The following DIAPH2 variants were observed in gnomAD, a reference collection of about 807,000 sequenced individuals.
DIAPH2 encodes the protein protein diaphanous homolog 2.
Under a neutral mutation model 92.7 loss-of-function variants are expected in DIAPH2, and 35 were observed. That is an observed-to-expected ratio of 0.38 (90% CI 0.29 to 0.50). The LOEUF (loss-of-function observed/expected upper bound fraction) is 0.50. Among genes scored for constraint, DIAPH2 ranks in the 20% least tolerant of loss-of-function variants. The pLI, the probability that DIAPH2 is intolerant of heterozygous loss-of-function variation, is 0.94. For missense variants in DIAPH2, 701 were observed against 819.5 expected (o/e 0.86, Z 1.77); for synonymous variants, 301 against 280.4 (o/e 1.07, Z -0.73).
intron 26 of DIAPH2, among the ~76,000 whole-genome samples, chrX:97,585,590 A>G (rs1218707089): frequency 9.1e-6 from 1 of 110,403 alleles, no homozygotes. Context: ...AGTAAAAAAA[A>G]AAAAAAACTA....
At chrX:97,204,823 T>C (rs1055817830) in intron 22 of DIAPH2, among the ~76,000 whole-genome samples, 1 of 111,574 alleles carries the variant, frequency 9.0e-6, no homozygotes, top group Non-Finnish European at 1.9e-5. Flanking sequence ...AAAAAACTAC[T>C]TTAAATTTCA....
chrX:97,309,797 T>C (rs1436590636), intron 23 of DIAPH2, among the ~76,000 whole-genome samples: 1 of 112,243 alleles, frequency 8.9e-6, no homozygotes, highest in Non-Finnish European at 1.9e-5. Flanking sequence ...TTATCTCTTC[T>C]TTGTGAAGGA....
intron 17 of DIAPH2, among the ~76,000 whole-genome samples, chrX:97,025,051 T>C (rs1284212201): frequency 8.9e-6 from 1 of 112,336 alleles, no homozygotes; most frequent in East Asian, 2.8e-4. Flanking sequence ...AGCTCCAGAC[T>C]TAAGAGTTAC....
At chrX:96,885,162 T>C (rs2065251528) in intron 5 of DIAPH2, 2 of 1,007,580 alleles carry the variant, frequency 2.0e-6, no homozygotes, top group Non-Finnish European at 2.7e-6. Flanking sequence ...TTTTGACCTG[T>C]TGACTTTTTA....
At chrX:96,886,485 C>T (rs1442867698) in intron 5 of DIAPH2, among the ~76,000 whole-genome samples, 1 of 110,850 alleles carries the variant, frequency 9.0e-6, no homozygotes, top group Non-Finnish European at 1.9e-5. Flanking sequence ...TTAGAAAAAC[C>T]ACTAATTCTT....
At chrX:97,176,986 A>G (rs1189742241) in intron 22 of DIAPH2, among the ~76,000 whole-genome samples, 1 of 112,033 alleles carries the variant, frequency 8.9e-6, no homozygotes, top group African/African-American at 3.2e-5. Context: ...TGTCAATACT[A>G]TGTAAAGAGT....
At chrX:97,173,907 CAA>C (rs1229587025) in intron 22 of DIAPH2, among the ~76,000 whole-genome samples, 3 of 79,399 alleles carry the variant, frequency 3.8e-5, no homozygotes, top group African/African-American at 9.4e-5. Context: ...GACCCTATCT[CAA>C]AAAAAAAAAA....
At chrX:97,290,521 T>G (rs921310163) in intron 23 of DIAPH2, among the ~76,000 whole-genome samples, 1 of 111,953 alleles carries the variant, frequency 8.9e-6, no homozygotes, top group African/African-American at 3.2e-5. Flanking sequence ...GGGGCCCTTG[T>G]TAAAAATCAT....
chrX:97,077,061 A>G (rs925154008), intron 19 of DIAPH2, among the ~76,000 whole-genome samples: 3 of 111,915 alleles, frequency 2.7e-5, no homozygotes, highest in African/African-American at 6.5e-5. Flanking sequence ...AGTATAATGT[A>G]CATAATTGGA....
intron 1 of DIAPH2, among the ~76,000 whole-genome samples, chrX:96,709,074 T>A (rs1012951708): frequency 2.7e-5 from 3 of 111,934 alleles, no homozygotes; most frequent in African/African-American, 9.7e-5. Context: ...ATGAAAAAAA[T>A]TTCATATTTC....
intron 14 of DIAPH2, among the ~76,000 whole-genome samples, chrX:96,948,066 T>C (rs2065749168): frequency 8.9e-6 from 1 of 112,243 alleles, no homozygotes; most frequent in Non-Finnish European, 1.9e-5. Context: ...ATGAGACTGC[T>C]ATTAGGGCAT....
intron 24 of DIAPH2, among the ~76,000 whole-genome samples, chrX:97,370,034 CT>C (rs1382697085): frequency 1.8e-5 from 2 of 111,381 alleles, no homozygotes; most frequent in African/African-American, 6.5e-5. Context: ...TTGATGATCC[CT>C]AAGAGCCATG....
intron 22 of DIAPH2, among the ~76,000 whole-genome samples, chrX:97,223,152 G>T (rs940830762): frequency 9.0e-6 from 1 of 111,484 alleles, no homozygotes; most frequent in Admixed American, 9.6e-5. Context: ...AGTACAAAAG[G>T]ATCTCTTGTC....
At chrX:97,493,756 C>T (rs1162878258) in intron 26 of DIAPH2, among the ~76,000 whole-genome samples, 1 of 108,280 alleles carries the variant, frequency 9.2e-6, no homozygotes, top group African/African-American at 3.4e-5. Flanking sequence ...TGTGGTTGCA[C>T]ATACCTGTAA....
At position 97,150,735 on chromosome X, in the gene DIAPH2, T is replaced by G. The variant is rs755174841; in HGVS notation, c.2719+8941T>G. Among the ~76,000 whole-genome samples, 3 of 112,201 alleles carry G rather than the reference T, an allele frequency of 2.7e-5. No individual in the cohort carries two copies. The East Asian group carries it at 8.4e-4, about 31-fold the overall frequency. On this transcript the variant is annotated intron_variant, in intron 22 of 26. Coordinates refer to ENST00000324765, the MANE Select transcript of DIAPH2 (RefSeq NM_006729.5). Reference sequence around the variant, plus strand: ...CTCTCTTGCACTACAGTGTAAAGGTTTCTGTATTTATGGCTGCATACTGGC... The same window carrying G: ...CTCTCTTGCACTACAGTGTAAAGGTGTCTGTATTTATGGCTGCATACTGGC...
intron 15 of DIAPH2, among the ~76,000 whole-genome samples, chrX:96,952,775 A>G (rs2065784534): frequency 9.0e-6 from 1 of 110,820 alleles, no homozygotes; most frequent in African/African-American, 3.3e-5. Flanking sequence ...TGAAAAAGGT[A>G]TTTATAAATT....
chrX:97,448,530 C>A (rs749503386), intron 26 of DIAPH2, among the ~76,000 whole-genome samples: 92 of 111,938 alleles, frequency 8.2e-4, no homozygotes, highest in African/African-American at 2.9e-3. Context: ...AATTACAAAT[C>A]AAACCCTCCT....
chrX:97,567,539 A>ACTC lies in DIAPH2; in HGVS notation c.3242-31713_3242-31711dup, dbSNP rs771637923. ...TATGTACCACAGATCTTTGCCTGGT[A>ACTC]CTCTACAAAGGGGACTTCACTTGAT... On this transcript the variant is annotated intron_variant, in intron 26 of 26. Transcript: ENST00000324765. Among the ~76,000 whole-genome samples, 406 of 111,696 alleles carry ACTC rather than the reference A, an allele frequency of 3.6e-3. 2 individuals carry two copies. The highest frequency in any genetic ancestry group is 0.013 in the African/African-American group (387 of 30,749).
At chrX:97,077,498 C>T (rs2066713177) in intron 19 of DIAPH2, among the ~76,000 whole-genome samples, 1 of 111,773 alleles carries the variant, frequency 8.9e-6, no homozygotes, top group African/African-American at 3.2e-5. Flanking sequence ...TTGTTTTTTG[C>T]TCATGTAGCA....
Sources: allele counts gnomAD v4.1 joint callset (sites outside exome capture counted in the v4.1 genomes callset), GRCh38; gene constraint gnomAD v4.1.1; transcripts MANE v1.5; gene names NCBI Gene and HGNC (gene_info 2026-07-23, HGNC 2026-07-21).